MRAP2: variants seen among roughly 807,000 people sequenced by gnomAD.
MRAP2 encodes melanocortin 2 receptor accessory protein 2.
In MRAP2, 20 loss-of-function variants were observed where a neutral mutation model predicts 17.4. That is an observed-to-expected ratio of 1.15 (90% CI 0.81 to 1.67). The LOEUF (loss-of-function observed/expected upper bound fraction) is 1.67. Ranked by LOEUF, MRAP2 falls within the 40% of genes most tolerant of loss-of-function variation. The pLI, the probability that MRAP2 is intolerant of heterozygous loss-of-function variation, is 0.00. For missense variants in MRAP2, 238 were observed against 240.0 expected (o/e 0.99, Z 0.05); for synonymous variants, 96 against 88.4 (o/e 1.09, Z -0.48).
At chr6:84,037,244 G>C (rs190614732) in intron 1 of MRAP2, among the ~76,000 whole-genome samples, 114 of 151,474 alleles carry the variant, frequency 7.5e-4, no homozygotes, top group Middle Eastern at 3.5e-3. Context: ...CCTTTAGCTA[G>C]ACATAAAAGT....
chr6:84,083,615 A>C (rs73483255), intron 3 of MRAP2, among the ~76,000 whole-genome samples: 1 of 152,120 alleles, frequency 6.6e-6, no homozygotes, highest in Non-Finnish European at 1.5e-5. Flanking sequence ...TATGCTGACA[A>C]TTTTGAAGAC....
the MRAP2 span, among the ~76,000 whole-genome samples, chr6:84,109,740 A>G: frequency 1.3e-5 from 2 of 152,010 alleles, no homozygotes; most frequent in South Asian, 4.2e-4. Flanking sequence ...TCTTAATGCT[A>G]TCCCTCCCCT....
the MRAP2 span, chr6:84,125,260 T>G: frequency 6.2e-7 from 1 of 1,613,346 alleles, no homozygotes; most frequent in East Asian, 2.2e-5. Flanking sequence ...TACTACTTGG[T>G]GTGTTTGCTG....
At chr6:84,099,660 C>A in the MRAP2 span, among the ~76,000 whole-genome samples, 5 of 152,146 alleles carry the variant, frequency 3.3e-5, no homozygotes, top group Non-Finnish European at 4.4e-5. Flanking sequence ...CCTGCTCCCC[C>A]TGTGCCTTCT....
intron 1 of MRAP2, among the ~76,000 whole-genome samples, chr6:84,038,974 T>C (rs1413423622): frequency 1.3e-5 from 2 of 152,224 alleles, no homozygotes; most frequent in East Asian, 3.8e-4. Flanking sequence ...AGGTAACATA[T>C]GCTTGGGTTA....
intron 3 of MRAP2, chr6:84,063,501 C>G: frequency 2.4e-6 from 2 of 837,786 alleles, no homozygotes; most frequent in South Asian, 5.5e-5. Flanking sequence ...CAAAGGCAAA[C>G]ACTGTGGTTT....
At chr6:84,087,149 CA>C (rs2099500684) in intron 3 of MRAP2, among the ~76,000 whole-genome samples, 1 of 150,456 alleles carries the variant, frequency 6.6e-6, no homozygotes, top group Non-Finnish European at 1.5e-5. Flanking sequence ...GACATGTGCC[CA>C]AGGTGGTTAC....
At chr6:84,041,097 G>T (rs2099487449) in intron 1 of MRAP2, among the ~76,000 whole-genome samples, 1 of 152,174 alleles carries the variant, frequency 6.6e-6, no homozygotes, top group South Asian at 2.1e-4. Context: ...GAGACTTGGT[G>T]CCCTGCATCC....
At chr6:84,084,917 A>ATTTT (rs58379284) in intron 3 of MRAP2, among the ~76,000 whole-genome samples, 1 of 96,284 alleles carries the variant, frequency 1.0e-5, no homozygotes, top group Non-Finnish European at 2.0e-5. Flanking sequence ...TATTTTATTT[A>ATTTT]TTTATTTTAT....
intron 3 of MRAP2, among the ~76,000 whole-genome samples, chr6:84,084,094 C>T (rs1159393642): frequency 6.6e-6 from 1 of 152,030 alleles, no homozygotes; most frequent in Non-Finnish European, 1.5e-5. Flanking sequence ...AACCTCTCAT[C>T]CTTTATTTCA....
intron 1 of MRAP2, among the ~76,000 whole-genome samples, chr6:84,043,707 T>C (rs2099488249): frequency 6.6e-6 from 1 of 151,986 alleles, no homozygotes; most frequent in Non-Finnish European, 1.5e-5. Flanking sequence ...AAGAATGAAG[T>C]TCATTGTGTG....
Position 84,068,813 on chromosome 6 carries a change from C to T in MRAP2, c.227+5821C>T, listed in dbSNP as rs1015722247. ...TTTTTTTTTTTTTTTTTTTTTGAGACGCACACTACCATGCCTGGCTAATTT... is the reference window on the plus strand; with the variant it reads ...TTTTTTTTTTTTTTTTTTTTTGAGATGCACACTACCATGCCTGGCTAATTT... On this transcript the variant is annotated intron_variant, in intron 3 of 3. Transcript: ENST00000257776. Among the ~76,000 whole-genome samples the T allele has an allele frequency of 6.0e-4, 66 of 109,440 alleles. 1 individual carries two copies. The highest frequency in any genetic ancestry group is 6.1e-4 in the Non-Finnish European group (35 of 57,286). The allele number at this position is 109,440 out of a possible 152,430, so 71.8% of individuals were successfully genotyped here.
intron 3 of MRAP2, among the ~76,000 whole-genome samples, chr6:84,084,082 T>G (rs6933393): frequency 0.01 from 1,587 of 152,096 alleles, 32 homozygotes; most frequent in African/African-American, 0.036. Flanking sequence ...ATAATAATAA[T>G]AAACCTCTCA....
chr6:84,061,918 A>G (rs2099493274), intron 2 of MRAP2: 1 of 985,428 alleles, frequency 1.0e-6, no homozygotes, highest in Non-Finnish European at 1.2e-6. Flanking sequence ...GCTTTTCATG[A>G]AAGAGCAATA....
At chr6:84,054,206 A>G (rs970857262) in intron 1 of MRAP2, among the ~76,000 whole-genome samples, 4 of 152,050 alleles carry the variant, frequency 2.6e-5, no homozygotes, top group African/African-American at 9.7e-5. Flanking sequence ...TCCTTTCTCC[A>G]TTATAAGGGA....
At chr6:84,094,952 A>G (rs944198265), downstream of MRAP2, among the ~76,000 whole-genome samples, 5 of 152,176 alleles carry the variant, frequency 3.3e-5, no homozygotes, top group African/African-American at 7.2e-5. Context: ...ACTCAAGGCA[A>G]TCTAGTCAGT....
chr6:84,089,487 A>G lies in MRAP2; in HGVS notation c.*6A>G. ...CACACAAAGACCTGGATTGAGAAAC[A>G]TGCTCTGTAAAGGGTCTTCCTGAAG... On this transcript the variant is annotated 3_prime_UTR_variant, in exon 4 of 4. Transcript: ENST00000257776. 1.2e-6 allele frequency: 2 copies of G among 1,609,142 alleles called. No individual in the cohort carries two copies. The highest frequency in any genetic ancestry group is 1.7e-6 in the Non-Finnish European group (2 of 1,177,324).
At chr6:84,070,650 T>C (rs1370551579) in intron 3 of MRAP2, among the ~76,000 whole-genome samples, 1 of 152,244 alleles carries the variant, frequency 6.6e-6, no homozygotes, top group Non-Finnish European at 1.5e-5. Flanking sequence ...GTTTCTTTGT[T>C]GGCTTTCTGT....
chr6:84,061,587 G>C (rs1394265877), intron 2 of MRAP2, among the ~76,000 whole-genome samples: 1 of 152,230 alleles, frequency 6.6e-6, no homozygotes, highest in Non-Finnish European at 1.5e-5. Context: ...TAGTGTAGCG[G>C]ATGGACTTGG....
Sources: gnomAD v4.1 joint callset for allele counts (sites outside exome capture counted in the v4.1 genomes callset) on GRCh38, gnomAD v4.1.1 for gene constraint, MANE v1.5 for transcripts, NCBI Gene and HGNC (gene_info 2026-07-23, HGNC 2026-07-21) for gene names.